PRKCA: variants seen among roughly 807,000 people sequenced by gnomAD.
PRKCA encodes the protein protein kinase C alpha.
Under a neutral mutation model 87.0 loss-of-function variants are expected in PRKCA, and 27 were observed. The ratio of observed to expected loss-of-function variants is 0.31; its 90% CI spans 0.23 to 0.43. The LOEUF is 0.43. PRKCA is among the 20% of genes least tolerant of loss of function. The pLI is 1.00. For missense variants in PRKCA, 518 were observed against 852.3 expected (o/e 0.61, Z 4.88); for synonymous variants, 329 against 311.1 (o/e 1.06, Z -0.61).
At chr17:66,368,514 C>T (rs1290256975) in intron 2 of PRKCA, among the ~76,000 whole-genome samples, 1 of 149,664 alleles carries the variant, frequency 6.7e-6, no homozygotes, top group African/African-American at 2.5e-5. Flanking sequence ...CCTCAGCCTC[C>T]TGAGTAGCTG....
chr17:66,716,540 G>A (rs958351287), intron 8 of PRKCA, among the ~76,000 whole-genome samples: 1 of 152,114 alleles, frequency 6.6e-6, no homozygotes, highest in African/African-American at 2.4e-5. Flanking sequence ...TTTAGCAATT[G>A]GGGAGAACGC....
intron 3 of PRKCA, among the ~76,000 whole-genome samples, chr17:66,603,317 C>T (rs1438718492): frequency 1.3e-5 from 2 of 152,144 alleles, no homozygotes; most frequent in Non-Finnish European, 2.9e-5. Flanking sequence ...ACACTATCAT[C>T]GCAGATGCTT....
At chr17:66,425,135 T>A (rs1912727040) in intron 2 of PRKCA, among the ~76,000 whole-genome samples, 2 of 152,176 alleles carry the variant, frequency 1.3e-5, no homozygotes, top group South Asian at 4.1e-4. Context: ...TAGTCGTTGG[T>A]CCTGTCGCTC....
intron 2 of PRKCA, among the ~76,000 whole-genome samples, chr17:66,465,404 A>T (rs1915041972): frequency 6.6e-6 from 1 of 151,796 alleles, no homozygotes; most frequent in Non-Finnish European, 1.5e-5. Flanking sequence ...AATTTTTTTT[A>T]ATTTTTGAGA....
chr17:66,617,729 A>G (rs946173148), intron 3 of PRKCA, among the ~76,000 whole-genome samples: 1 of 152,166 alleles, frequency 6.6e-6, no homozygotes, highest in Non-Finnish European at 1.5e-5. Context: ...GATGACCACC[A>G]GGCCTTCCTT....
rs564284420 is a variant in PRKCA at position 66,660,015 on chromosome 17, C to G, written c.529+14504C>G. On this transcript the variant is annotated intron_variant, in intron 5 of 16. Coordinates refer to ENST00000413366, the MANE Select transcript of PRKCA (RefSeq NM_002737.3). ...GTTTGACCCAAACAGGTAGGACATC[C>G]CAAAGCTGGGGAGGCGGTGTGCCAC... Among the ~76,000 whole-genome samples, 18 of 152,202 alleles carry G rather than the reference C, an allele frequency of 1.2e-4. No individual in the cohort carries two copies. In the South Asian group the frequency reaches 2.9e-3, roughly 25 times the overall value.
chr17:66,492,759 T>G (rs558742883), intron 2 of PRKCA, among the ~76,000 whole-genome samples: 31 of 152,368 alleles, frequency 2.0e-4, no homozygotes, highest in African/African-American at 7.5e-4. Flanking sequence ...TTCGAGAGTT[T>G]TGCAATCAAG....
chr17:66,422,543 C>T (rs533908219), intron 2 of PRKCA, among the ~76,000 whole-genome samples: 2 of 152,082 alleles, frequency 1.3e-5, no homozygotes, highest in East Asian at 3.9e-4. Flanking sequence ...TTCTAAAGGC[C>T]CAGAAGGGCA....
At chr17:66,590,928 G>A (rs72845941) in intron 3 of PRKCA, among the ~76,000 whole-genome samples, 9,420 of 151,922 alleles carry the variant, frequency 0.062, 377 homozygotes, top group Non-Finnish European at 0.089. Flanking sequence ...GGAACCCACC[G>A]CCGCAGCTTA....
intron 8 of PRKCA, among the ~76,000 whole-genome samples, chr17:66,697,393 G>A (rs541044512): frequency 4.3e-4 from 65 of 152,280 alleles, no homozygotes; most frequent in Non-Finnish European, 5.1e-4. Flanking sequence ...GGCCAGCAGA[G>A]AAGTTTCAGA....
intron 2 of PRKCA, among the ~76,000 whole-genome samples, chr17:66,482,098 C>CAAAAAAAAAAAA (rs58719328): frequency 1.1e-5 from 1 of 89,336 alleles, no homozygotes; most frequent in Non-Finnish European, 2.1e-5. Flanking sequence ...AAGACTGTCT[C>CAAAAAAAAAAAA]AAAAAAAAAA....
chr17:66,413,190 A>C (rs1403193035), intron 2 of PRKCA, among the ~76,000 whole-genome samples: 2 of 152,146 alleles, frequency 1.3e-5, no homozygotes, highest in Non-Finnish European at 2.9e-5. Flanking sequence ...TTGGCTTCCC[A>C]TCACCCCTTC....
chr17:66,390,722 C>T (rs1009085979), intron 2 of PRKCA, among the ~76,000 whole-genome samples: 2 of 152,226 alleles, frequency 1.3e-5, no homozygotes, highest in African/African-American at 4.8e-5. Flanking sequence ...ATGGGGACTT[C>T]ATGGGCCTCT....
At chr17:66,474,425 T>C (rs974306902) in intron 2 of PRKCA, among the ~76,000 whole-genome samples, 5 of 152,240 alleles carry the variant, frequency 3.3e-5, no homozygotes, top group African/African-American at 1.2e-4. Flanking sequence ...TCAGCCTAGC[T>C]GGAAGGCTGC....
At chr17:66,535,682 C>T (rs1286899500) in intron 3 of PRKCA, among the ~76,000 whole-genome samples, 1 of 152,210 alleles carries the variant, frequency 6.6e-6, no homozygotes, top group Non-Finnish European at 1.5e-5. Flanking sequence ...CTGTCCTTCC[C>T]TTCTGAATCC....
intron 3 of PRKCA, among the ~76,000 whole-genome samples, chr17:66,519,660 C>A (rs1967091166): frequency 6.6e-6 from 1 of 152,180 alleles, no homozygotes; most frequent in Non-Finnish European, 1.5e-5. Context: ...TTCCTCCAGC[C>A]CACACTTTCT....
intron 3 of PRKCA, among the ~76,000 whole-genome samples, chr17:66,618,320 A>G (rs1034751708): frequency 6.8e-6 from 1 of 148,068 alleles, no homozygotes; most frequent in Non-Finnish European, 1.5e-5. Context: ...GTGCCATTGC[A>G]CTCCAGCCTG....
Position 66,722,381 on chromosome 17 carries a change from A to C in PRKCA, c.919-10307A>C, listed in dbSNP as rs191175401. The stretch of plus-strand genomic sequence containing the variant: ...TAAGTCATTTGTCACAACCACCCTC[A>C]ATTTTAATTTGAAAAAACCCCTAAT... On this transcript the variant is annotated intron_variant, in intron 8 of 16. Transcript: ENST00000413366. 4.4e-3 allele frequency among the ~76,000 whole-genome samples: 670 copies of C among 152,242 alleles called. 7 individuals are homozygous for C. The highest frequency in any genetic ancestry group is 5.7e-3 in the Non-Finnish European group (390 of 68,010).
intron 3 of PRKCA, among the ~76,000 whole-genome samples, chr17:66,602,666 T>C (rs1279306368): frequency 1.3e-5 from 2 of 152,240 alleles, no homozygotes; most frequent in African/African-American, 4.8e-5. Flanking sequence ...GTATAGCCAC[T>C]GTAGAATGAG....
Sources: allele counts gnomAD v4.1 joint callset (sites outside exome capture counted in the v4.1 genomes callset), GRCh38; gene constraint gnomAD v4.1.1; transcripts MANE v1.5; gene names NCBI Gene and HGNC (gene_info 2026-07-23, HGNC 2026-07-21).